Variants in NASP observed in about 807,000 individuals in gnomAD.
NASP encodes the protein nuclear autoantigenic sperm protein, also known as NASP histone chaperone.
A neutral mutation model predicts 89.5 loss-of-function variants in NASP; 24 were observed. The observed-to-expected ratio is 0.27, with a 90% confidence interval of 0.19 to 0.38. The LOEUF (loss-of-function observed/expected upper bound fraction) is 0.38. Ranked by LOEUF, NASP falls within the 10% of genes least tolerant of loss-of-function variation. NASP has a pLI of 1.00. For missense variants in NASP, 848 were observed against 921.4 expected (o/e 0.92, Z 1.03); for synonymous variants, 306 against 324.7 (o/e 0.94, Z 0.62).
chr1:45,600,085 C>A (rs1643803670), intron 2 of NASP, among the ~76,000 whole-genome samples: 2 of 151,488 alleles, frequency 1.3e-5, no homozygotes, highest in Non-Finnish European at 2.9e-5. Flanking sequence ...ATCAGGTACC[C>A]AAGTATTGTT....
intron 2 of NASP, among the ~76,000 whole-genome samples, chr1:45,597,865 T>G (rs1419387990): frequency 6.6e-6 from 1 of 152,192 alleles, no homozygotes; most frequent in Non-Finnish European, 1.5e-5. Flanking sequence ...TCCTATGAGA[T>G]TACTTATATC....
At chr1:45,595,126 GTTTT>G in intron 2 of NASP, among the ~76,000 whole-genome samples, 1 of 129,578 alleles carries the variant, frequency 7.7e-6, no homozygotes, top group Admixed American at 8.2e-5. Flanking sequence ...GCCAGACTAA[GTTTT>G]GTGTGTGTGT....
Position 45,587,089 on chromosome 1 carries a change from C to A in NASP, c.59+2884C>A, listed in dbSNP as rs75394025. Reference sequence around the variant, plus strand: ...CAAAAAGTCTTAGGTTGGCTTTTGTCCCCTCGTGCCATTAAAGCAGTATTG... The same window carrying A: ...CAAAAAGTCTTAGGTTGGCTTTTGTACCCTCGTGCCATTAAAGCAGTATTG... On this transcript the variant is annotated intron_variant, in intron 1 of 14. Coordinates refer to ENST00000350030, the MANE Select transcript of NASP (RefSeq NM_002482.4). 3.0e-3 allele frequency among the ~76,000 whole-genome samples: 458 copies of A among 152,296 alleles called. 4 individuals are homozygous for A. Among genetic ancestry groups the A allele is most frequent in the East Asian group, 0.022 (115 of 5,192 alleles).
chr1:45,592,751 G>T (rs1643583593), intron 2 of NASP: 1 of 152,332 alleles, frequency 6.6e-6, no homozygotes, highest in African/African-American at 2.4e-5. Flanking sequence ...CTGACCTCGG[G>T]CGATCTGCCC....
chr1:45,613,126 G>A lies in NASP; in HGVS notation c.1427-43G>A, dbSNP rs763669124. The A allele has an allele frequency of 1.1e-5, 18 of 1,580,364 alleles. No individual in the cohort carries two copies. In the Admixed American group the frequency reaches 1.6e-4, roughly 14 times the overall value. On this transcript the variant is annotated intron_variant, in intron 6 of 14. Coordinates refer to ENST00000350030, the MANE Select transcript of NASP (RefSeq NM_002482.4). The stretch of plus-strand genomic sequence containing the variant: ...TGGAATCTCTGACTAGTCAGAATAC[G>A]TTCTTAGTTATATTCTCAATACTGA...
intron 6 of NASP, chr1:45,609,309 C>G (rs975868742): frequency 2.0e-5 from 3 of 152,158 alleles, no homozygotes; most frequent in African/African-American, 7.2e-5. Flanking sequence ...TTTAGATTTT[C>G]AGAGACCCAT....
At position 45,607,503 on chromosome 1, in the gene NASP, A is replaced by G. The variant is rs1643927771; in HGVS notation, c.592A>G (p.Lys198Glu). 3.1e-6 allele frequency: 5 copies of G among 1,614,032 alleles called. No homozygotes were observed. The highest frequency in any genetic ancestry group is 4.2e-6 in the Non-Finnish European group (5 of 1,179,988). Reference sequence around the variant, plus strand: ...TAAATCTGCAGAGGAGCCACAGGAAAAAGTTGACTTGACTCTAGATTGGTT... The same window carrying G: ...TAAATCTGCAGAGGAGCCACAGGAAGAAGTTGACTTGACTCTAGATTGGTT... ...ISKSAEEPQEKVDLTLDWLTE... is the reference protein window; with the variant it reads ...ISKSAEEPQEEVDLTLDWLTE... Residue 198 changes from lysine to glutamate, a missense_variant, in exon 6 of 15, where the codon AAA becomes GAA. By Grantham distance (56) the Lys-to-Glu change is moderately conservative (BLOSUM62 1). Around this residue, in one of 5 missense-constraint regions of NASP, gnomAD observed 464 missense variants for 469.4 expected, o/e 0.99. Coordinates refer to ENST00000350030, the MANE Select transcript of NASP (RefSeq NM_002482.4).
At chr1:45,602,678 CTG>C (rs1164062629) in intron 3 of NASP, among the ~76,000 whole-genome samples, 1 of 152,140 alleles carries the variant, frequency 6.6e-6, no homozygotes, top group Admixed American at 6.5e-5. Context: ...GACAGGGTCT[CTG>C]TCACCCAGGC....
At chr1:45,594,197 C>T (rs374085999) in intron 2 of NASP, among the ~76,000 whole-genome samples, 1 of 151,868 alleles carries the variant, frequency 6.6e-6, no homozygotes, top group Non-Finnish European at 1.5e-5. Flanking sequence ...GTCGTGGTGG[C>T]TAGCGCCTGT....
chr1:45,591,260 A>G lies in NASP; in HGVS notation c.97A>G (p.Lys33Glu), dbSNP rs1643541353. ...TCCTGCTCCTTCTACATCTGCAGATAAAGTGGAGAGGTAAGATTATTTACA... is the reference window on the plus strand; with the variant it reads ...TCCTGCTCCTTCTACATCTGCAGATGAAGTGGAGAGGTAAGATTATTTACA... Reference protein sequence around the residue: ...DVPAPSTSADKVESLDVDSEA... With the variant: ...DVPAPSTSADEVESLDVDSEA... The change falls in exon 2 of 15, where the codon AAA becomes GAA. Residue 33 changes from lysine to glutamate, a missense_variant. Coordinates refer to ENST00000350030, the MANE Select transcript of NASP (RefSeq NM_002482.4). The G allele has an allele frequency of 6.5e-7, 1 of 1,542,926 alleles. No homozygotes were observed. The highest frequency in any genetic ancestry group is 8.7e-7 in the Non-Finnish European group (1 of 1,144,706).
chr1:45,588,379 T>C (rs1644588467), intron 1 of NASP, among the ~76,000 whole-genome samples: 1 of 152,158 alleles, frequency 6.6e-6, no homozygotes, highest in African/African-American at 2.4e-5. Context: ...TCTGGGATTA[T>C]AGGCGTTAGC....
Position 45,618,600 on chromosome 1 carries a change from T to C in NASP, c.*459T>C. The C allele has an allele frequency of 6.4e-6, 1 of 157,104 alleles. No individual in the cohort carries two copies. Among genetic ancestry groups the C allele is most frequent in the East Asian group, 1.8e-4 (1 of 5,432 alleles). 9.7% of individuals were successfully genotyped at this position (157,104 alleles called of 1,614,324 possible). ...CTGTGAGCCAGGCCTAGGATGGTTC[T>C]TGTCCTATATCCACCTAGTCTTCAC... On this transcript the variant is annotated 3_prime_UTR_variant, in exon 15 of 15. Transcript: ENST00000350030.
intron 5 of NASP, 57 bp from the exon 6 acceptor site, chr1:45,607,264 T>C: frequency 6.5e-7 from 1 of 1,544,408 alleles, no homozygotes; most frequent in Non-Finnish European, 8.9e-7. Context: ...TTTCCATTTA[T>C]GCCTTTATCA....
chr1:45,597,289 A>G (rs1383802310), intron 2 of NASP, among the ~76,000 whole-genome samples: 1 of 134,106 alleles, frequency 7.5e-6, no homozygotes, highest in Non-Finnish European at 1.5e-5. Context: ...CCTGGGCGAC[A>G]GAGCAAGACT....
rs371938635 is a variant in NASP at position 45,604,961 on chromosome 1, A to G, written c.244A>G (p.Asn82Asp). ...AGGTAAGAAGTATGGAGAGACAGCTAATGAGTGTGGAGAAGCCTTCTTTTT... is the reference window on the plus strand; with the variant it reads ...AGGTAAGAAGTATGGAGAGACAGCTGATGAGTGTGGAGAAGCCTTCTTTTT... The part of the protein sequence containing the change: ...LLGKKYGETA[N>D]ECGEAFFFYG... The change falls in exon 4 of 15, where the codon AAT becomes GAT. Residue 82 changes from asparagine (N) to aspartate (D), a missense_variant. Around this residue, in one of 5 missense-constraint regions of NASP, gnomAD observed 17 missense variants for 38.6 expected, o/e 0.44. Coordinates refer to ENST00000350030, the MANE Select transcript of NASP (RefSeq NM_002482.4). 1 of 1,612,588 alleles carries G rather than the reference A, an allele frequency of 6.2e-7. No homozygotes were observed. Among genetic ancestry groups the G allele is most frequent in the Non-Finnish European group, 8.5e-7 (1 of 1,178,774 alleles).
At chr1:45,588,252 CG>C (rs1222667066) in intron 1 of NASP, among the ~76,000 whole-genome samples, 2 of 151,962 alleles carry the variant, frequency 1.3e-5, no homozygotes, top group African/African-American at 4.8e-5. Flanking sequence ...TACAGGCGCC[CG>C]CCACCACACC....
intron 6 of NASP, chr1:45,612,302 T>G (rs1478283446): frequency 6.6e-6 from 1 of 152,192 alleles, no homozygotes; most frequent in Non-Finnish European, 1.5e-5. Context: ...TAAGAGTGTT[T>G]GGAGATAGTG....
intron 2 of NASP, among the ~76,000 whole-genome samples, chr1:45,595,987 T>G (rs1417995149): frequency 1.3e-5 from 2 of 152,248 alleles, no homozygotes; most frequent in Non-Finnish European, 2.9e-5. Context: ...AAAGTTTTAT[T>G]TTTGAAAGAA....
chr1:45,617,654 C>T lies in NASP; in HGVS notation c.2286+63C>T, dbSNP rs186259136. On this transcript the variant is annotated intron_variant, in intron 14 of 14. Transcript: ENST00000350030. Reference sequence around the variant, plus strand: ...CCTTGTTCTCAGGACCTGGGGAAATCAGTCCTCTCAAGTGCATGCTCCCCA... The same window carrying T: ...CCTTGTTCTCAGGACCTGGGGAAATTAGTCCTCTCAAGTGCATGCTCCCCA... The T allele has an allele frequency of 2.6e-5, 39 of 1,509,914 alleles. No individual in the cohort carries two copies. The Admixed American group carries it at 6.1e-4, about 24-fold the overall frequency. The allele number at this position is 1,509,914 out of a possible 1,614,324, so 93.5% of individuals were successfully genotyped here.
Sources: allele counts gnomAD v4.1 joint callset (sites outside exome capture counted in the v4.1 genomes callset), GRCh38; gene constraint gnomAD v4.1.1; regional missense constraint gnomAD v4.1.1; transcripts MANE v1.5; gene names NCBI Gene and HGNC (gene_info 2026-07-23, HGNC 2026-07-21).